Variants in MICAL2 observed in about 807,000 individuals in gnomAD.
MICAL2 encodes microtubule associated monooxygenase, calponin and LIM domain containing 2.
A neutral mutation model predicts 127.3 loss-of-function variants in MICAL2; 77 were observed. The ratio of observed to expected loss-of-function variants is 0.60; its 90% confidence interval spans 0.50 to 0.73. The LOEUF (loss-of-function observed/expected upper bound fraction) is 0.73. Ranked by LOEUF, MICAL2 falls within the 30% of genes least tolerant of loss-of-function variation. The pLI is 0.00. For missense variants in MICAL2, 1,351 were observed against 1,434.4 expected (o/e 0.94, Z 0.94); for synonymous variants, 570 against 551.1 (o/e 1.03, Z -0.48).
chr11:12,204,272 C>A lies in MICAL2; in HGVS notation c.287C>A (p.Pro96His). Residue 96 changes from proline to histidine, a missense_variant, in exon 4 of 28, where the codon CCC becomes CAC. This residue lies in a region of MICAL2 where 599 missense variants were observed against 714.9 expected (regional missense o/e 0.84). Transcript: ENST00000683283. ...CAGTGTCTCATAGTTGGGGGAGGAC[C>A]CTGTGGCTTGCGCACTGCCATTGAA... ...NTKCLIVGGGPCGLRTAIELA... is the reference protein window; with the variant it reads ...NTKCLIVGGGHCGLRTAIELA... 6.2e-7 allele frequency: 1 copy of A among 1,614,016 alleles called. No homozygotes were observed. Among genetic ancestry groups the A allele is most frequent in the Non-Finnish European group, 8.5e-7 (1 of 1,179,960 alleles).
intron 29 of MICAL2, among the ~76,000 whole-genome samples, chr11:12,311,686 G>C (rs539386992): frequency 5.1e-4 from 78 of 152,346 alleles, no homozygotes; most frequent in Non-Finnish European, 9.0e-4. Flanking sequence ...GATTACAGGT[G>C]TGAGGCACCA....
chr11:12,294,302 G>A (rs1273350594), downstream of MICAL2: 10 of 1,614,138 alleles, frequency 6.2e-6, no homozygotes, highest in South Asian at 1.1e-5. Flanking sequence ...CTCTGAAGGC[G>A]GGAAGAAGGC....
intron 29 of MICAL2, among the ~76,000 whole-genome samples, chr11:12,307,295 T>C (rs1864123094): frequency 6.6e-6 from 1 of 152,250 alleles, no homozygotes; most frequent in Non-Finnish European, 1.5e-5. Context: ...TGTTGTTTCT[T>C]AGTTTTGAGT....
At chr11:12,117,465 G>A (rs1850134313) in intron 1 of MICAL2, among the ~76,000 whole-genome samples, 1 of 152,236 alleles carries the variant, frequency 6.6e-6, no homozygotes, top group South Asian at 2.1e-4. Flanking sequence ...CCACGACTCT[G>A]AATGGCTGGC....
At chr11:12,163,192 C>T (rs942998047) in intron 3 of MICAL2, among the ~76,000 whole-genome samples, 5 of 152,208 alleles carry the variant, frequency 3.3e-5, no homozygotes, top group Admixed American at 6.5e-5. Flanking sequence ...CTCACTATCG[C>T]AACCTTTCTC....
At chr11:12,309,168 C>G (rs1864145119) in intron 29 of MICAL2, among the ~76,000 whole-genome samples, 1 of 152,132 alleles carries the variant, frequency 6.6e-6, no homozygotes, top group Non-Finnish European at 1.5e-5. Context: ...AAACATTCAT[C>G]TCTTCTTTGT....
Position 12,283,298 on chromosome 11 carries a change from A to C in MICAL2, c.254+2199A>C, listed in dbSNP as rs1283035622. 2.0e-5 allele frequency among the ~76,000 whole-genome samples: 3 copies of C among 149,842 alleles called. No individual in the cohort carries two copies. The East Asian group carries it at 6.2e-4, about 31-fold the overall frequency. ...GTAGACCAAGGGAATGCCAGACAAG[A>C]CCAGGATATTGCTTTGAAAAGACTC... On this transcript the variant is annotated intron_variant, in intron 2 of 2. Transcript: ENST00000529028.
At chr11:12,270,239 C>T (rs573388180) in intron 24 of MICAL2, among the ~76,000 whole-genome samples, 39 of 152,340 alleles carry the variant, frequency 2.6e-4, no homozygotes, top group African/African-American at 9.4e-4. Context: ...GGCCACTCTG[C>T]TCAGAATCCC....
intron 2 of MICAL2, among the ~76,000 whole-genome samples, chr11:12,158,930 A>G (rs757988673): frequency 6.6e-6 from 1 of 152,234 alleles, no homozygotes; most frequent in Non-Finnish European, 1.5e-5. Flanking sequence ...GCTACCCGCC[A>G]TGGGTGTTAG....
At chr11:12,204,703 C>T (rs1854448059) in intron 4 of MICAL2, among the ~76,000 whole-genome samples, 1 of 152,176 alleles carries the variant, frequency 6.6e-6, no homozygotes, top group Non-Finnish European at 1.5e-5. Flanking sequence ...CAGACTATCT[C>T]CAGGACATGA....
At chr11:12,179,557 T>C (rs1857202173) in intron 3 of MICAL2, among the ~76,000 whole-genome samples, 1 of 152,138 alleles carries the variant, frequency 6.6e-6, no homozygotes, top group South Asian at 2.1e-4. Context: ...CCTTAGCCAA[T>C]GCCTGCCTGT....
At chr11:12,129,526 A>G (rs192865095) in intron 1 of MICAL2, among the ~76,000 whole-genome samples, 2 of 152,056 alleles carry the variant, frequency 1.3e-5, no homozygotes, top group Admixed American at 1.3e-4. Context: ...CTCTTCCCCT[A>G]AAGCCATTCA....
chr11:12,314,292 A>G (rs1162494251), intron 29 of MICAL2, among the ~76,000 whole-genome samples: 1 of 151,952 alleles, frequency 6.6e-6, no homozygotes, highest in Non-Finnish European at 1.5e-5. Context: ...GAATTTAAAA[A>G]TTCAATTTCT....
intron 2 of MICAL2, among the ~76,000 whole-genome samples, chr11:12,140,028 G>A (rs1372385149): frequency 1.3e-5 from 2 of 152,080 alleles, no homozygotes; most frequent in South Asian, 2.1e-4. Flanking sequence ...GCAACTTCCT[G>A]GACTTGAGGA....
intron 14 of MICAL2, 139 bp downstream of exon 14, chr11:12,226,509 G>T (rs550355573): frequency 7.9e-6 from 6 of 761,776 alleles, no homozygotes; most frequent in Non-Finnish European, 1.3e-5. Context: ...CCAAACAGGG[G>T]TGACTCCACT....
chr11:12,186,404 C>A (rs1385844237), intron 3 of MICAL2, among the ~76,000 whole-genome samples: 2 of 152,052 alleles, frequency 1.3e-5, no homozygotes, highest in Non-Finnish European at 2.9e-5. Flanking sequence ...AATTTAATGA[C>A]AACTATCATT....
intron 3 of MICAL2, among the ~76,000 whole-genome samples, chr11:12,186,790 G>A (rs1365564931): frequency 6.6e-6 from 1 of 152,204 alleles, no homozygotes; most frequent in Non-Finnish European, 1.5e-5. Context: ...AGGTGGTGGG[G>A]ACCCCAGACA....
chr11:12,188,255 T>A (rs997028045), intron 3 of MICAL2, among the ~76,000 whole-genome samples: 28 of 152,354 alleles, frequency 1.8e-4, no homozygotes, highest in African/African-American at 6.7e-4. Flanking sequence ...TATAATAGAT[T>A]AGAATATTGA....
At chr11:12,112,150 A>G (rs1849658564) in intron 1 of MICAL2, among the ~76,000 whole-genome samples, 1 of 152,210 alleles carries the variant, frequency 6.6e-6, no homozygotes, top group African/African-American at 2.4e-5. Flanking sequence ...TGGCCCTGTC[A>G]GTGTGAGTCC....
Sources: gnomAD v4.1 joint callset for allele counts (sites outside exome capture counted in the v4.1 genomes callset) on GRCh38, gnomAD v4.1.1 for gene constraint, gnomAD v4.1.1 regional missense constraint, MANE v1.5 for transcripts, NCBI Gene and HGNC (gene_info 2026-07-23, HGNC 2026-07-21) for gene names.